The following NME6 variants were observed in gnomAD, a reference collection of about 807,000 sequenced individuals.
NME6 encodes NME/NM23 nucleoside diphosphate kinase 6.
Under a neutral mutation model 22.2 loss-of-function variants are expected in NME6, and 16 were observed. That is an observed-to-expected ratio of 0.72 (90% CI 0.49 to 1.09). NME6 has a LOEUF of 1.09. Ranked by LOEUF, NME6 falls within the 50% of genes least tolerant of loss-of-function variation. The pLI is 0.00. For missense variants in NME6, 229 were observed against 239.0 expected, an observed-to-expected ratio of 0.96 and a Z score of 0.28; for synonymous variants, 58 against 85.2, an observed-to-expected ratio of 0.68 and a Z score of 1.76.
chr3:48,296,852 A>G (rs772500958), intron 2 of NME6, 23 bp from the exon 3 acceptor site: 1 of 1,565,832 alleles, frequency 6.4e-7, no homozygotes, highest in Non-Finnish European at 8.8e-7. Flanking sequence ...CATCCCCAAA[A>G]TAAAAATCAA....
Position 48,294,634 on chromosome 3 carries a change from G to GCA in NME6, c.*1_*2dup. On this transcript the variant is annotated 3_prime_UTR_variant, in exon 6 of 6. Coordinates refer to ENST00000442597, the MANE Select transcript of NME6 (RefSeq NM_001308426.2). ...CACTACCACTGGTCTTCATAGACCT[G>GCA]CATCAGGCTGGTCCTAGGCCTCCTG... 2 of 1,613,776 alleles carry GCA rather than the reference G, an allele frequency of 1.2e-6. No homozygotes were observed. Among genetic ancestry groups the GCA allele is most frequent in the East Asian group, 4.5e-5 (2 of 44,862 alleles).
downstream of NME6, among the ~76,000 whole-genome samples, chr3:48,289,069 A>ATTTT (rs35823729): frequency 6.7e-6 from 1 of 148,170 alleles, no homozygotes; most frequent in Non-Finnish European, 1.5e-5. Flanking sequence ...TTTAAAAATA[A>ATTTT]TTTTTTTTTT....
downstream of NME6, chr3:48,292,255 C>T (rs1449309302): frequency 6.6e-6 from 1 of 152,152 alleles, no homozygotes; most frequent in Non-Finnish European, 1.5e-5. Flanking sequence ...AAGGACTATA[C>T]ATACAAAAAC....
At position 48,292,576 on chromosome 3, in the gene NME6, G is replaced by C. The variant is rs2034608696; in HGVS notation, c.*2061C>G. 2 of 151,926 alleles carry C rather than the reference G, an allele frequency of 1.3e-5. No homozygotes were observed. Among genetic ancestry groups the C allele is most frequent in the Non-Finnish European group, 2.9e-5 (2 of 67,994 alleles). 9.4% of individuals were successfully genotyped at this position (151,926 alleles called of 1,614,324 possible). ...AGGATTTTTTTTTTCTTGAGATGGA[G>C]TTTCACTCTTGTTGCCCAGGCTGGA... On this transcript the variant is annotated 3_prime_UTR_variant, in exon 6 of 6. Coordinates refer to ENST00000442597, the MANE Select transcript of NME6 (RefSeq NM_001308426.2).
chr3:48,294,746 TG>T lies in NME6; in HGVS notation c.451del (p.Gln151SerfsTer27). 1 of 1,614,118 alleles carries T rather than the reference TG, an allele frequency of 6.2e-7. No homozygotes were observed. The highest frequency in any genetic ancestry group is 8.5e-7 in the Non-Finnish European group (1 of 1,179,996). On this transcript the variant is annotated frameshift_variant, in exon 6 of 6. Coordinates refer to ENST00000442597, the MANE Select transcript of NME6 (RefSeq NM_001308426.2). LOFTEE classifies it high-confidence loss of function. ...IAAFFPDFSE[Q>X]RWYEEEEPQL... Reference sequence around the variant, plus strand: ...GGGCTCTTCCTCCTCATACCAGCGCTGTTCACTGAAGTCAGGGAAGAAGGCT... The same window carrying T: ...GGGCTCTTCCTCCTCATACCAGCGCTTTCACTGAAGTCAGGGAAGAAGGCT...
Position 48,296,749 on chromosome 3 carries a change from C to G in NME6, c.171G>C (p.Gln57His), listed in dbSNP as rs1463830504. ...RELLWRKEDC[Q>H]RFYREHEGRF... ...TACCTTCATGCTCTCGGTAAAACCT[C>G]TGGCAATCTTCCTTTCTCCACAGTA... is the stretch of plus-strand genomic sequence containing the variant. Residue 57 changes from glutamine (Q) to histidine (H), a missense_variant, in exon 3 of 6, where the codon CAG becomes CAC. By Grantham distance (24) the Gln-to-His change is conservative. Coordinates refer to ENST00000442597, the MANE Select transcript of NME6 (RefSeq NM_001308426.2). 6.2e-7 allele frequency: 1 copy of G among 1,613,326 alleles called. No individual in the cohort carries two copies. The highest frequency in any genetic ancestry group is 8.5e-7 in the Non-Finnish European group (1 of 1,179,796).
intron 2 of NME6, among the ~76,000 whole-genome samples, chr3:48,297,263 T>A (rs1000337521): frequency 6.6e-6 from 1 of 152,238 alleles, no homozygotes; most frequent in Admixed American, 6.5e-5. Context: ...GTGCTCAAGG[T>A]TATACTTTCC....
Position 48,295,254 on chromosome 3 carries a change from C to T in NME6, c.234-19G>A, listed in dbSNP as rs1268231698. ...TGGCCCGCTGTGAACAAAACAAGCA[C>T]ATGTAAAGAACCTGGCCATCTAGAC... On this transcript the variant is annotated intron_variant, in intron 4 of 5. Transcript: ENST00000442597. 6.2e-7 allele frequency: 1 copy of T among 1,601,590 alleles called. No individual in the cohort carries two copies. The highest frequency in any genetic ancestry group is 8.5e-7 in the Non-Finnish European group (1 of 1,171,292).
chr3:48,297,982 T>C (rs541874102), intron 2 of NME6: 4 of 205,216 alleles, frequency 1.9e-5, no homozygotes, highest in Non-Finnish European at 3.0e-5. Context: ...ACAACCTGAA[T>C]GAGTCTGGAA....
downstream of NME6, chr3:48,290,583 C>G (rs1021809378): frequency 2.0e-5 from 3 of 153,138 alleles, no homozygotes; most frequent in Middle Eastern, 6.8e-3. Context: ...TTCTTCCTGT[C>G]GGAGATTTTG....
chr3:48,290,386 G>A (rs943467021), downstream of NME6, among the ~76,000 whole-genome samples: 3 of 152,090 alleles, frequency 2.0e-5, no homozygotes, highest in African/African-American at 7.2e-5. Context: ...ACAAAATGAT[G>A]TCATAATCTG....
At position 48,296,730 on chromosome 3, in the gene NME6, C is replaced by T. The variant is rs760001442; in HGVS notation, c.190G>A (p.Glu64Lys). ...EDCQRFYREH[E>K]GRFFYQRLVE... ...TTCAGAGGACTACTGATCCTACCTT[C>T]ATGCTCTCGGTAAAACCTCTGGCAA... Residue 64 changes from glutamate to lysine, a missense_variant, in exon 3 of 6, where the codon GAA becomes AAA. Glu to Lys is a moderately conservative substitution (Grantham distance 56, BLOSUM62 1). Coordinates refer to ENST00000442597, the MANE Select transcript of NME6 (RefSeq NM_001308426.2). 7 of 1,610,224 alleles carry T rather than the reference C, an allele frequency of 4.3e-6. No individual in the cohort carries two copies.
chr3:48,288,443 A>G (rs1054358151), downstream of NME6: 1 of 152,108 alleles, frequency 6.6e-6, no homozygotes, highest in Non-Finnish European at 1.5e-5. Context: ...TAGAGTATGG[A>G]TACTATTCAT....
At chr3:48,298,111 A>G (rs35512171) in intron 2 of NME6, 14,268 of 364,380 alleles carry the variant, frequency 0.039, 370 homozygotes, top group Non-Finnish European at 0.052. Flanking sequence ...AAACTACTGA[A>G]CTGTGAAATA....
At position 48,296,724 on chromosome 3, in the gene NME6, T is replaced by C. The variant is rs368532913; in HGVS notation, c.193+3A>G. ...CTTCCATTCAGAGGACTACTGATCC[T>C]ACCTTCATGCTCTCGGTAAAACCTC... On this transcript the variant is annotated splice_donor_region_variant and intron_variant, in intron 3 of 5. Coordinates refer to ENST00000442597, the MANE Select transcript of NME6 (RefSeq NM_001308426.2). 1.1e-5 allele frequency: 17 copies of C among 1,607,144 alleles called. No homozygotes were observed. Among genetic ancestry groups the C allele is most frequent in the African/African-American group, 4.0e-5 (3 of 74,752 alleles).
At chr3:48,287,808 A>C (rs991196469), downstream of NME6, among the ~76,000 whole-genome samples, 1 of 152,138 alleles carries the variant, frequency 6.6e-6, no homozygotes, top group African/African-American at 2.4e-5. Flanking sequence ...CAGAGTACAT[A>C]AGCACAGATG....
chr3:48,294,240 ATTG>A lies in NME6; in HGVS notation c.*394_*396del, dbSNP rs1013129967. On this transcript the variant is annotated 3_prime_UTR_variant, in exon 6 of 6. Transcript: ENST00000442597. ...AGGCATGCACCACCATGCCTGGCTA[ATTG>A]TTGTATTTTTAGTAGAGATGGGGTT... 2 of 164,630 alleles carry A rather than the reference ATTG, an allele frequency of 1.2e-5. No individual in the cohort carries two copies. Among genetic ancestry groups the A allele is most frequent in the African/African-American group, 4.8e-5 (2 of 41,974 alleles). 10.2% of individuals were successfully genotyped at this position (164,630 alleles called of 1,614,324 possible). A position where few individuals can be genotyped will look rare whatever the true frequency, so the allele number is the denominator to read the frequency against.
chr3:48,298,807 A>G, intron 1 of NME6: 1 of 612,210 alleles, frequency 1.6e-6, no homozygotes, highest in Non-Finnish European at 2.9e-6. Context: ...AAGAAACTCA[A>G]GTTTAAATAC....
intron 1 of NME6, among the ~76,000 whole-genome samples, chr3:48,300,060 C>T (rs2035532100): frequency 1.3e-5 from 2 of 152,236 alleles, no homozygotes; most frequent in Non-Finnish European, 2.9e-5. Context: ...TCATCATTCC[C>T]CTCTGGACAT....
Sources: allele counts gnomAD v4.1 joint callset (sites outside exome capture counted in the v4.1 genomes callset), GRCh38; gene constraint gnomAD v4.1.1; transcripts MANE v1.5; gene names NCBI Gene and HGNC (gene_info 2026-07-23, HGNC 2026-07-21).